The following IMMP2L variants were observed in gnomAD, a reference collection of about 807,000 sequenced individuals.
IMMP2L encodes the protein inner mitochondrial membrane peptidase subunit 2.
A neutral mutation model predicts 19.3 loss-of-function variants in IMMP2L; 18 were observed. That is an observed-to-expected ratio of 0.93 (90% CI 0.64 to 1.38). The LOEUF is 1.38. Ranked by LOEUF, IMMP2L falls within the 40% of genes most tolerant of loss-of-function variation. IMMP2L has a pLI of 0.00. For missense variants in IMMP2L, 233 were observed against 218.2 expected (o/e 1.07, Z -0.43); for synonymous variants, 76 against 73.0 (o/e 1.04, Z -0.21).
chr7:111,191,935 G>A (rs1476274991), intron 3 of IMMP2L, among the ~76,000 whole-genome samples: 1 of 152,008 alleles, frequency 6.6e-6, no homozygotes, highest in Admixed American at 6.6e-5. Context: ...AGAGCTTGTT[G>A]ACAAGCAGGA....
intron 3 of IMMP2L, among the ~76,000 whole-genome samples, chr7:111,193,456 G>C (rs1809125886): frequency 6.6e-6 from 1 of 152,070 alleles, no homozygotes; most frequent in Non-Finnish European, 1.5e-5. Flanking sequence ...GATTTAAAAA[G>C]AAAGACCCAG....
intron 4 of IMMP2L, among the ~76,000 whole-genome samples, chr7:110,907,407 T>C (rs935359129): frequency 2.6e-5 from 4 of 152,168 alleles, no homozygotes; most frequent in African/African-American, 4.8e-5. Context: ...GAAGTCAAGT[T>C]GCTTCTCTTC....
At chr7:111,146,162 C>T (rs1803443815) in intron 3 of IMMP2L, among the ~76,000 whole-genome samples, 2 of 143,466 alleles carry the variant, frequency 1.4e-5, no homozygotes, top group South Asian at 4.3e-4. Context: ...TAATTAAAAA[C>T]TTATAATTCA....
chr7:110,887,586 T>C (rs1382522295), intron 4 of IMMP2L, among the ~76,000 whole-genome samples: 2 of 101,368 alleles, frequency 2.0e-5, no homozygotes, highest in African/African-American at 1.1e-4. Context: ...CAAGGCTTTT[T>C]ATAGCAAAAA....
intron 5 of IMMP2L, among the ~76,000 whole-genome samples, chr7:110,840,659 T>G (rs1441199949): frequency 6.6e-6 from 1 of 152,130 alleles, no homozygotes. Flanking sequence ...TTAGAAACAT[T>G]TTAACAAGAT....
At chr7:111,548,824 G>A (rs1849182320) in intron 1 of IMMP2L, among the ~76,000 whole-genome samples, 2 of 151,966 alleles carry the variant, frequency 1.3e-5, no homozygotes, top group African/African-American at 4.8e-5. Flanking sequence ...ATTCTACCTT[G>A]CCCTCGTGGC....
At chr7:110,796,703 A>G (rs1800885339) in intron 5 of IMMP2L, among the ~76,000 whole-genome samples, 1 of 152,032 alleles carries the variant, frequency 6.6e-6, no homozygotes, top group Non-Finnish European at 1.5e-5. Flanking sequence ...TCACATACCA[A>G]CAAAAATCTT....
chr7:110,844,879 A>G (rs567423196), intron 5 of IMMP2L, among the ~76,000 whole-genome samples: 12 of 152,076 alleles, frequency 7.9e-5, no homozygotes, highest in Non-Finnish European at 1.3e-4. Flanking sequence ...ACCAAGGACA[A>G]CATAAAAGTC....
At chr7:111,278,307 T>A (rs1819326757) in intron 3 of IMMP2L, among the ~76,000 whole-genome samples, 1 of 152,176 alleles carries the variant, frequency 6.6e-6, no homozygotes, top group Admixed American at 6.6e-5. Context: ...ATAGAGAAAA[T>A]TATACTCTTT....
At chr7:111,545,274 A>T (rs1294610869) in intron 1 of IMMP2L, among the ~76,000 whole-genome samples, 1 of 152,102 alleles carries the variant, frequency 6.6e-6, no homozygotes, top group Non-Finnish European at 1.5e-5. Context: ...CATTTCCCTA[A>T]TGATTAATGA....
chr7:111,171,920 TA>T (rs1316394141), intron 3 of IMMP2L, among the ~76,000 whole-genome samples: 1 of 59,340 alleles, frequency 1.7e-5, no homozygotes. Flanking sequence ...AAGATGTGGT[TA>T]GGGGTGAAGA....
At chr7:111,401,886 T>G (rs770510800) in intron 3 of IMMP2L, among the ~76,000 whole-genome samples, 10 of 151,992 alleles carry the variant, frequency 6.6e-5, no homozygotes, top group Non-Finnish European at 1.3e-4. Flanking sequence ...GCAAGACTGG[T>G]GAATACAATC....
intron 1 of IMMP2L, among the ~76,000 whole-genome samples, chr7:111,549,935 C>T (rs148918588): frequency 0.017 from 2,390 of 142,506 alleles, 65 homozygotes; most frequent in African/African-American, 0.06. Context: ...AGCGAGACTC[C>T]GTGTCAAAAA....
At chr7:111,492,051 A>T (rs1292651539) in intron 2 of IMMP2L, among the ~76,000 whole-genome samples, 1 of 151,918 alleles carries the variant, frequency 6.6e-6, no homozygotes, top group Non-Finnish European at 1.5e-5. Flanking sequence ...ACAGCCTATG[A>T]TTATTTCTAT....
At chr7:110,717,650 T>G (rs1450237123) in intron 5 of IMMP2L, among the ~76,000 whole-genome samples, 1 of 152,172 alleles carries the variant, frequency 6.6e-6, no homozygotes, top group Non-Finnish European at 1.5e-5. Flanking sequence ...GAAAACCAAA[T>G]GCAAAGGGAG....
At chr7:111,382,459 G>A (rs1293800751) in intron 3 of IMMP2L, among the ~76,000 whole-genome samples, 3 of 152,020 alleles carry the variant, frequency 2.0e-5, no homozygotes, top group East Asian at 1.9e-4. Context: ...TCCAAAAGGC[G>A]AAAGAGCAAA....
intron 3 of IMMP2L, among the ~76,000 whole-genome samples, chr7:110,991,773 C>T (rs564022909): frequency 2.6e-5 from 4 of 152,130 alleles, no homozygotes; most frequent in African/African-American, 4.8e-5. Flanking sequence ...AATCAAAATA[C>T]TTAAAAACAC....
chr7:110,834,877 G>A (rs1804296759), intron 5 of IMMP2L, among the ~76,000 whole-genome samples: 2 of 152,096 alleles, frequency 1.3e-5, no homozygotes, highest in Admixed American at 1.3e-4. Context: ...GCACAACTTG[G>A]TTCTCATGAA....
intron 3 of IMMP2L, among the ~76,000 whole-genome samples, chr7:111,366,708 A>G (rs1829794424): frequency 6.6e-6 from 1 of 152,030 alleles, no homozygotes; most frequent in Non-Finnish European, 1.5e-5. Flanking sequence ...GGAAGGCAAT[A>G]ATATCTGAAA....
Sources: gnomAD v4.1 joint callset for allele counts (sites outside exome capture counted in the v4.1 genomes callset) on GRCh38, gnomAD v4.1.1 for gene constraint, MANE v1.5 for transcripts, NCBI Gene and HGNC (gene_info 2026-07-23, HGNC 2026-07-21) for gene names.